The following STOML3 variants were observed in gnomAD, a reference collection of about 807,000 sequenced individuals.
STOML3 encodes the protein stomatin like 3.
STOML3 carries 31 observed loss-of-function variants against 29.5 expected under a neutral mutation model. That is an observed-to-expected ratio of 1.05 (90% CI 0.79 to 1.42). STOML3 has a LOEUF of 1.42. STOML3 is among the 40% of genes most tolerant of loss of function. The pLI is 0.00. For missense variants in STOML3, 380 were observed against 363.0 expected, an observed-to-expected ratio of 1.05 and a Z score of -0.38; for synonymous variants, 122 against 139.8, an observed-to-expected ratio of 0.87 and a Z score of 0.90.
intron 1 of STOML3, among the ~76,000 whole-genome samples, chr13:38,988,096 TTATATTTTATATCA>T (rs1189894373): frequency 9.7e-6 from 1 of 103,260 alleles, no homozygotes; most frequent in Non-Finnish European, 1.7e-5. Flanking sequence ...ATATAATATG[TTATATTTTATATCA>T]TATATTTTAT....
chr13:38,972,583 C>T lies in STOML3; in HGVS notation c.241G>A (p.Val81Ile), dbSNP rs61744586. ...DKAKGPGLILVLPCIDVFVKV... is the reference protein window; with the variant it reads ...DKAKGPGLILILPCIDVFVKV... The stretch of plus-strand genomic sequence containing the variant: ...ACAAACACATCTATGCATGGCAGGA[C>T]CAGGATCAAACCTATGAGAGAAAAA... The change falls in exon 4 of 7, where the codon GTC (valine) becomes ATC (isoleucine). Residue 81 changes from valine (V) to isoleucine (I), a missense_variant. Coordinates refer to ENST00000379631, the MANE Select transcript of STOML3 (RefSeq NM_145286.3). The T allele has an allele frequency of 6.8e-3, 10,910 of 1,613,644 alleles. 669 individuals are homozygous for T. The African/African-American group carries it at 0.13, about 19-fold the overall frequency.
chr13:38,978,480 T>G (rs1881169230), intron 1 of STOML3, among the ~76,000 whole-genome samples: 1 of 152,066 alleles, frequency 6.6e-6, no homozygotes, highest in Non-Finnish European at 1.5e-5. Context: ...AAATCCTTGT[T>G]CCTCCTTATT....
chr13:38,984,839 T>C (rs1868446280), intron 1 of STOML3, among the ~76,000 whole-genome samples: 1 of 152,200 alleles, frequency 6.6e-6, no homozygotes, highest in Non-Finnish European at 1.5e-5. Flanking sequence ...CCTGTAAATT[T>C]TTAGTGCTCT....
chr13:38,979,484 T>C (rs1881200608), intron 1 of STOML3, among the ~76,000 whole-genome samples: 1 of 152,264 alleles, frequency 6.6e-6, no homozygotes, highest in African/African-American at 2.4e-5. Flanking sequence ...TACATACATA[T>C]ATCTACATTT....
chr13:38,987,699 A>C (rs1868640343), intron 1 of STOML3, among the ~76,000 whole-genome samples: 1 of 134,866 alleles, frequency 7.4e-6, no homozygotes, highest in Non-Finnish European at 1.5e-5. Context: ...CTAATTATAT[A>C]TTATATATTA....
At chr13:38,988,244 AATATATT>A (rs1251433969) in intron 1 of STOML3, among the ~76,000 whole-genome samples, 7 of 87,340 alleles carry the variant, frequency 8.0e-5, no homozygotes, top group Non-Finnish European at 1.1e-4. Flanking sequence ...TTTTATATAT[AATATATT>A]ATATTTTATA....
rs1046470265 is a variant in STOML3, at chr13:38,970,220, A to T, written c.481T>A (p.Leu161Ile). The change falls in exon 5 of 7, where the codon TTA becomes ATA. Residue 161 changes from leucine to isoleucine, a missense_variant. Coordinates refer to ENST00000379631, the MANE Select transcript of STOML3 (RefSeq NM_145286.3). Reference sequence around the variant, plus strand: ...TGGGCGATCTCTTCTCGTCCAGCTAAGATCTGGGACAAGGTCTGTGTCCCT... The same window carrying T: ...TGGGCGATCTCTTCTCGTCCAGCTATGATCTGGGACAAGGTCTGTGTCCCT... ...VLGTQTLSQI[L>I]AGREEIAHSI... The T allele has an allele frequency of 6.2e-7, 1 of 1,613,840 alleles. No individual in the cohort carries two copies. Among genetic ancestry groups the T allele is most frequent in the African/African-American group, 1.3e-5 (1 of 74,926 alleles).
chr13:38,972,219 T>C (rs1048294803), intron 4 of STOML3, among the ~76,000 whole-genome samples: 2 of 152,188 alleles, frequency 1.3e-5, no homozygotes, highest in Admixed American at 6.5e-5. Context: ...GCTCTGTCAT[T>C]CTCCATCCCA....
chr13:38,979,907 C>T (rs926425508), intron 1 of STOML3: 1 of 772,588 alleles, frequency 1.3e-6, no homozygotes, highest in African/African-American at 1.7e-5. Flanking sequence ...TGACTAGCAG[C>T]ACAGCACACG....
chr13:38,972,074 A>G (rs1880889707), intron 4 of STOML3, among the ~76,000 whole-genome samples: 1 of 152,222 alleles, frequency 6.6e-6, no homozygotes, highest in Admixed American at 6.5e-5. Flanking sequence ...AATGTGACTC[A>G]TGTGGATATT....
chr13:38,989,024 ATATATGT>A (rs1868884897), intron 1 of STOML3, among the ~76,000 whole-genome samples: 1 of 146,728 alleles, frequency 6.8e-6, no homozygotes, highest in Non-Finnish European at 1.5e-5. Flanking sequence ...ATTATATAAG[ATATATGT>A]TATATATGTT....
intron 4 of STOML3, 134 bp from the exon 5 acceptor site, chr13:38,970,522 C>T (rs1187428863): frequency 1.4e-6 from 1 of 692,282 alleles, no homozygotes; most frequent in Non-Finnish European, 2.5e-6. Flanking sequence ...CACCTAAAAC[C>T]TGTCCTGGCT....
chr13:38,968,461 G>A lies in STOML3; in HGVS notation c.590C>T (p.Pro197Leu). ...TGCCATGGATCTCTGCAACTGCACG[G>A]GAATCCGAACATCTTTGATTTCCAC... The part of the protein sequence containing the change: ...ARVEIKDVRI[P>L]VQLQRSMAAE... The change falls in exon 6 of 7, where the codon CCC (proline) becomes CTC (leucine). Residue 197 changes from proline to leucine, a missense_variant. Transcript: ENST00000379631. 1.9e-6 allele frequency: 3 copies of A among 1,614,074 alleles called. No homozygotes were observed. The highest frequency in any genetic ancestry group is 1.1e-5 in the South Asian group (1 of 91,084).
Position 38,974,066 on chromosome 13 carries a change from A to G in STOML3, c.230-1472T>C, listed in dbSNP as rs367783745. Among the ~76,000 whole-genome samples the G allele has an allele frequency of 5.9e-5, 9 of 152,178 alleles. No homozygotes were observed. The East Asian group carries it at 1.2e-3, about 20-fold the overall frequency. On this transcript the variant is annotated intron_variant, in intron 3 of 6. Transcript: ENST00000379631. The stretch of plus-strand genomic sequence containing the variant: ...CACATCTACTTCTTTCTGATTTGTG[A>G]GGCATTAAGTTGGAGCTGGGTCAGG...
At chr13:38,978,804 A>G (rs1395766715) in intron 1 of STOML3, among the ~76,000 whole-genome samples, 3 of 152,096 alleles carry the variant, frequency 2.0e-5, no homozygotes, top group African/African-American at 7.2e-5. Context: ...TATTTAGGAG[A>G]ATTCTGGGTT....
intron 1 of STOML3, among the ~76,000 whole-genome samples, chr13:38,982,674 T>A (rs1191175731): frequency 1.3e-5 from 2 of 152,248 alleles, no homozygotes; most frequent in Middle Eastern, 3.4e-3. Context: ...GGGTACTGGG[T>A]CACAAAAACC....
At chr13:38,977,918 C>T (rs1362408348) in intron 1 of STOML3, among the ~76,000 whole-genome samples, 2 of 151,830 alleles carry the variant, frequency 1.3e-5, no homozygotes, top group Non-Finnish European at 2.9e-5. Flanking sequence ...CGCCACCACA[C>T]CTGGCTAATT....
At chr13:38,977,397 G>A (rs1881119354) in intron 1 of STOML3, among the ~76,000 whole-genome samples, 1 of 152,194 alleles carries the variant, frequency 6.6e-6, no homozygotes, top group South Asian at 2.1e-4. Flanking sequence ...CCGCCTTAGA[G>A]AATTTGATGA....
intron 5 of STOML3, 116 bp downstream of exon 5, chr13:38,970,065 TGTGA>T: frequency 1.2e-6 from 1 of 824,736 alleles, no homozygotes; most frequent in Non-Finnish European, 1.9e-6. Context: ...GTTGTCTGTG[TGTGA>T]GTGTGTGCAA....
Sources: allele counts gnomAD v4.1 joint callset (sites outside exome capture counted in the v4.1 genomes callset), GRCh38; gene constraint gnomAD v4.1.1; transcripts MANE v1.5; gene names NCBI Gene and HGNC (gene_info 2026-07-23, HGNC 2026-07-21).